IL1RAPL2: variants seen among roughly 807,000 people sequenced by gnomAD.
The protein encoded by IL1RAPL2 is interleukin 1 receptor accessory protein like 2.
A neutral mutation model predicts 44.1 loss-of-function variants in IL1RAPL2; 3 were observed. That is an observed-to-expected ratio of 0.07 (90% CI 0.03 to 0.18). The LOEUF is 0.18. Ranked by LOEUF, IL1RAPL2 falls within the 10% of genes least tolerant of loss-of-function variation. The pLI, the probability that IL1RAPL2 is intolerant of heterozygous loss-of-function variation, is 1.00. For missense variants in IL1RAPL2, 391 were observed against 496.4 expected (o/e 0.79, Z 2.02); for synonymous variants, 181 against 178.8 (o/e 1.01, Z -0.10).
chrX:104,729,075 T>A lies in IL1RAPL2; in HGVS notation c.82+70080T>A, dbSNP rs185367478. The stretch of plus-strand genomic sequence containing the variant: ...AAATTATTTAAATAGAATCTGTATA[T>A]CCAAATCAGTAGAAGAGGACAGAAG... On this transcript the variant is annotated intron_variant, in intron 2 of 10. Transcript: ENST00000372582. Among the ~76,000 whole-genome samples, 16 of 110,339 alleles carry A rather than the reference T, an allele frequency of 1.5e-4. No individual in the cohort carries two copies. In the East Asian group the frequency reaches 4.6e-3, roughly 31 times the overall value.
intron 2 of IL1RAPL2, among the ~76,000 whole-genome samples, chrX:104,944,377 T>A (rs1357667461): frequency 8.9e-6 from 1 of 112,089 alleles, no homozygotes; most frequent in Non-Finnish European, 1.9e-5. Context: ...AGTGTATTTT[T>A]AAAAATTTCT....
chrX:105,327,208 G>T (rs1000877306), intron 5 of IL1RAPL2, among the ~76,000 whole-genome samples: 1 of 111,985 alleles, frequency 8.9e-6, no homozygotes, highest in African/African-American at 3.3e-5. Flanking sequence ...TGGGACACAC[G>T]GGCTCAATAC....
intron 2 of IL1RAPL2, among the ~76,000 whole-genome samples, chrX:105,009,862 G>A (rs2031019032): frequency 9.0e-6 from 1 of 110,974 alleles, no homozygotes; most frequent in Admixed American, 9.6e-5. Flanking sequence ...CTCTCAGTAT[G>A]TGTGACTTCT....
chrX:105,082,661 G>A (rs1255596336), intron 2 of IL1RAPL2, among the ~76,000 whole-genome samples: 1 of 111,643 alleles, frequency 9.0e-6, no homozygotes, highest in African/African-American at 3.3e-5. Context: ...GGCAAACAGG[G>A]TCTGGAGTGG....
intron 5 of IL1RAPL2, chrX:105,406,123 C>CT (rs2035642516): frequency 8.4e-7 from 1 of 1,187,664 alleles, no homozygotes; most frequent in East Asian, 3.0e-5. Flanking sequence ...CGAGTATACT[C>CT]TTGACTTAAA....
At chrX:105,080,788 A>G (rs1377516421) in intron 2 of IL1RAPL2, among the ~76,000 whole-genome samples, 6 of 111,803 alleles carry the variant, frequency 5.4e-5, no homozygotes, top group African/African-American at 2.0e-4. Flanking sequence ...ATAGCATTGA[A>G]TCTATAAACT....
At chrX:104,770,163 G>C (rs1932618398) in intron 2 of IL1RAPL2, among the ~76,000 whole-genome samples, 1 of 110,594 alleles carries the variant, frequency 9.0e-6, no homozygotes, top group African/African-American at 3.3e-5. Flanking sequence ...AATTCACGGG[G>C]CCCCTGTTTT....
chrX:105,342,754 T>C (rs138227020), intron 5 of IL1RAPL2, among the ~76,000 whole-genome samples: 2,906 of 112,232 alleles, frequency 0.026, 114 homozygotes, highest in African/African-American at 0.09. Flanking sequence ...TAAACCTGTT[T>C]ATTATTTATT....
chrX:105,447,442 TATAAATATAAATAAAC>T (rs1471052722), intron 5 of IL1RAPL2, among the ~76,000 whole-genome samples: 5 of 72,333 alleles, frequency 6.9e-5, no homozygotes, highest in East Asian at 9.5e-4. Context: ...AATATAAGTA[TATAAATATAAATAAAC>T]ATAAATATAA....
rs183997625 is a variant in IL1RAPL2 at position 104,587,194 on chromosome X, A to G, written c.-20+20143A>G. ...CAGTTATTATACATGTACAATGAAG[A>G]CAGTAATGATACCTACCTCAAAGAA... On this transcript the variant is annotated intron_variant, in intron 1 of 10. Coordinates refer to ENST00000372582, the MANE Select transcript of IL1RAPL2 (RefSeq NM_017416.2). Among the ~76,000 whole-genome samples, 9 of 112,084 alleles carry G rather than the reference A, an allele frequency of 8.0e-5. No homozygotes were observed. The East Asian group carries it at 2.5e-3, about 31-fold the overall frequency.
intron 6 of IL1RAPL2, among the ~76,000 whole-genome samples, chrX:105,618,971 A>G (rs2037399178): frequency 9.0e-6 from 1 of 111,213 alleles, no homozygotes; most frequent in African/African-American, 3.3e-5. Context: ...GAGCTGCCTT[A>G]TGCTCTTCCC....
intron 2 of IL1RAPL2, among the ~76,000 whole-genome samples, chrX:105,027,904 A>G (rs1458659854): frequency 8.9e-6 from 1 of 112,025 alleles, no homozygotes; most frequent in Non-Finnish European, 1.9e-5. Flanking sequence ...ACTGCTTACA[A>G]TAGCTAAGAT....
Position 105,195,767 on chromosome X carries a change from C to A in IL1RAPL2, c.356+19C>A. On this transcript the variant is annotated intron_variant, in intron 3 of 10. Transcript: ENST00000372582. ...TTTTAAGGTGAGTGTTGTGTGAAAA[C>A]ATTGCCCAATCACATGGCTGATAGT... 1 of 1,204,794 alleles carries A rather than the reference C, an allele frequency of 8.3e-7. No individual in the cohort carries two copies. The highest frequency in any genetic ancestry group is 1.1e-6 in the Non-Finnish European group (1 of 889,775).
intron 5 of IL1RAPL2, among the ~76,000 whole-genome samples, chrX:105,447,458 CAT>C (rs1324764580): frequency 9.2e-5 from 5 of 54,539 alleles, no homozygotes; most frequent in Admixed American, 6.8e-4. Flanking sequence ...TATAAATAAA[CAT>C]AAATATAAAT....
intron 6 of IL1RAPL2, among the ~76,000 whole-genome samples, chrX:105,610,539 TG>T (rs1032297099): frequency 1.8e-5 from 2 of 111,846 alleles, no homozygotes; most frequent in African/African-American, 6.5e-5. Flanking sequence ...AGATTTGTTT[TG>T]TATATAAGTC....
chrX:104,823,552 A>G (rs1746663812), intron 2 of IL1RAPL2, among the ~76,000 whole-genome samples: 1 of 107,875 alleles, frequency 9.3e-6, no homozygotes, highest in South Asian at 4.2e-4. Flanking sequence ...TAATGCCGCA[A>G]TAAACATACG....
chrX:105,449,845 T>C (rs5962527), intron 5 of IL1RAPL2, among the ~76,000 whole-genome samples: 24,231 of 111,645 alleles, frequency 0.22, 6,370 homozygotes, highest in African/African-American at 0.75. Flanking sequence ...TGTCTTTCTC[T>C]CTGTGCTGAG....
At chrX:104,658,635 A>T (rs187436302) in intron 1 of IL1RAPL2, among the ~76,000 whole-genome samples, 101 of 112,744 alleles carry the variant, frequency 9.0e-4, no homozygotes, top group Middle Eastern at 4.6e-3. Context: ...AAAAAAATTG[A>T]AAAAGAAAGT....
At position 105,038,375 on chromosome X, in the gene IL1RAPL2, G is replaced by T. The variant is rs751225359; in HGVS notation, c.83-157100G>T. On this transcript the variant is annotated intron_variant, in intron 2 of 10. Coordinates refer to ENST00000372582, the MANE Select transcript of IL1RAPL2 (RefSeq NM_017416.2). ...ATCATACTCTCTTGTTTTTCTCCTA[G>T]TTTACTGTCTAGTCATTCCCACTTT... 1.2e-4 allele frequency among the ~76,000 whole-genome samples: 13 copies of T among 111,346 alleles called. No homozygotes were observed. In the South Asian group the frequency reaches 4.9e-3, roughly 42 times the overall value.
Sources: allele counts gnomAD v4.1 joint callset (sites outside exome capture counted in the v4.1 genomes callset), GRCh38; gene constraint gnomAD v4.1.1; transcripts MANE v1.5; gene names NCBI Gene and HGNC (gene_info 2026-07-23, HGNC 2026-07-21).